ZNF644: variants seen among roughly 807,000 people sequenced by gnomAD.
ZNF644 encodes zinc finger motif enhancer binding protein 2.
A neutral mutation model predicts 108.0 loss-of-function variants in ZNF644; 20 were observed. The observed-to-expected ratio is 0.19, with a 90% confidence interval of 0.13 to 0.27. ZNF644 has a LOEUF of 0.27. ZNF644 is among the 10% of genes least tolerant of loss of function. The probability of loss-of-function intolerance (pLI) is 1.00; values close to 1 mark genes in which losing one functional copy is unlikely to be tolerated. For synonymous variants in ZNF644, 542 were observed against 539.1 expected (o/e 1.01, Z -0.08); for missense variants, 1,338 against 1,548.9 (o/e 0.86, Z 2.29).
At chr1:90,963,440 A>G (rs1212273219) in intron 2 of ZNF644, among the ~76,000 whole-genome samples, 4 of 152,166 alleles carry the variant, frequency 2.6e-5, no homozygotes, top group African/African-American at 9.6e-5. Context: ...AAATTTGAAC[A>G]TACATACACT....
intron 1 of ZNF644, among the ~76,000 whole-genome samples, chr1:90,983,752 C>A (rs1024264631): frequency 4.6e-5 from 7 of 152,170 alleles, no homozygotes; most frequent in Admixed American, 4.6e-4. Context: ...CATGGTGAAA[C>A]CCCGTCTCTA....
intron 2 of ZNF644, among the ~76,000 whole-genome samples, chr1:90,970,925 G>A (rs1318888719): frequency 6.7e-6 from 1 of 148,338 alleles, no homozygotes; most frequent in Non-Finnish European, 1.5e-5. Context: ...ACTTGAACCC[G>A]GGAGGCGGAG....
intron 1 of ZNF644, 72 bp from the exon 2 acceptor site, chr1:90,982,442 A>G: frequency 1.0e-6 from 1 of 971,656 alleles, no homozygotes; most frequent in Non-Finnish European, 1.6e-6. Context: ...GCTACAATAC[A>G]CTATTATTTT....
At chr1:90,975,436 CTTTTTTTTTTT>C (rs1243944087) in intron 2 of ZNF644, among the ~76,000 whole-genome samples, 1 of 135,362 alleles carries the variant, frequency 7.4e-6, no homozygotes, top group Non-Finnish European at 1.6e-5. Flanking sequence ...CAAATATCTA[CTTTTTTTTTTT>C]TTTTTTTTGA....
chr1:90,996,982 C>T (rs980302004), intron 1 of ZNF644, among the ~76,000 whole-genome samples: 24 of 152,136 alleles, frequency 1.6e-4, no homozygotes, highest in African/African-American at 5.8e-4. Flanking sequence ...CCCCAATACC[C>T]TAGGACAACC....
At chr1:90,922,251 G>A (rs937402406) in intron 4 of ZNF644, among the ~76,000 whole-genome samples, 1 of 152,050 alleles carries the variant, frequency 6.6e-6, no homozygotes, top group African/African-American at 2.4e-5. Context: ...TAAAAGTCTT[G>A]TTTAATCCAT....
At chr1:90,968,696 A>C (rs1288038648) in intron 2 of ZNF644, among the ~76,000 whole-genome samples, 1 of 152,184 alleles carries the variant, frequency 6.6e-6, no homozygotes, top group East Asian at 1.9e-4. Flanking sequence ...TTTTTAAATA[A>C]CTTTGTATAA....
rs144864423 is a variant in ZNF644 at position 90,943,226 on chromosome 1, G to C, written c.45-1917C>G. Among the ~76,000 whole-genome samples, 369 of 152,172 alleles carry C rather than the reference G, an allele frequency of 2.4e-3. 3 individuals are homozygous for C. The highest frequency in any genetic ancestry group is 3.8e-3 in the Non-Finnish European group (259 of 68,002). On this transcript the variant is annotated intron_variant, in intron 2 of 5. Transcript: ENST00000337393. ...GGAGGCCGAGGCGGGTGGATTACAA[G>C]ATCAGGAGATTGACACCATCCTGGC...
At chr1:90,952,053 TTC>T (rs368604647) in intron 2 of ZNF644, among the ~76,000 whole-genome samples, 1 of 152,080 alleles carries the variant, frequency 6.6e-6, no homozygotes, top group African/African-American at 2.4e-5. Context: ...CTCTCCATAT[TTC>T]TCTCTCTCAC....
chr1:90,994,394 G>C (rs1657927211), intron 1 of ZNF644, among the ~76,000 whole-genome samples: 1 of 152,196 alleles, frequency 6.6e-6, no homozygotes, highest in Non-Finnish European at 1.5e-5. Context: ...CAGTATCACT[G>C]TAGGGCTCTG....
At chr1:90,990,353 A>G (rs1037346108) in intron 1 of ZNF644, among the ~76,000 whole-genome samples, 9 of 152,230 alleles carry the variant, frequency 5.9e-5, no homozygotes, top group Non-Finnish European at 8.8e-5. Flanking sequence ...GAAAGTACAT[A>G]TAAGAGCCAA....
intron 1 of ZNF644, among the ~76,000 whole-genome samples, chr1:91,014,063 A>C (rs1410581435): frequency 6.6e-6 from 1 of 152,110 alleles, no homozygotes; most frequent in East Asian, 1.9e-4. Context: ...TCTTCTTCTT[A>C]AACTGATAAA....
intron 2 of ZNF644, among the ~76,000 whole-genome samples, chr1:90,977,297 T>C (rs924586216): frequency 6.6e-6 from 1 of 151,894 alleles, no homozygotes; most frequent in Non-Finnish European, 1.5e-5. Context: ...TATAAAGAAA[T>C]TTACCATAAG....
intron 4 of ZNF644, among the ~76,000 whole-genome samples, chr1:90,935,737 T>C (rs180859848): frequency 2.4e-4 from 36 of 152,334 alleles, no homozygotes; most frequent in Middle Eastern, 3.4e-3. Context: ...TTTGGAAAGG[T>C]AGACGAGGAG....
In ZNF644 at chr1:90,938,330, G is replaced by A. The variant is rs766217952; in HGVS notation, c.3024C>T (p.Asp1008=). 1.2e-6 allele frequency: 2 copies of A among 1,613,930 alleles called. No individual in the cohort carries two copies. The highest frequency in any genetic ancestry group is 2.2e-5 in the South Asian group (2 of 91,060). ...CAGTTCTTTTGAAATGCTGCATTTT[G>A]TCACTTGTGGCTATTTGTTCTGGTG... ...VVSPEQIATS[D]KMQHFKRTGT... is the part of the protein sequence containing the mutation. Residue 1008 remains aspartate (D), a synonymous_variant, in exon 3 of 6, where the codon GAC becomes GAT. Coordinates refer to ENST00000337393, the MANE Select transcript of ZNF644 (RefSeq NM_201269.3). This position sits in a 1 kb window ranked among gnomAD's most constrained non-coding sequence, Gnocchi z 4.2.
At chr1:91,001,338 T>C (rs1386181033) in intron 1 of ZNF644, among the ~76,000 whole-genome samples, 3 of 152,180 alleles carry the variant, frequency 2.0e-5, no homozygotes, top group East Asian at 1.9e-4. Context: ...TTATCCACCA[T>C]GATCAAGTGG....
chr1:91,013,451 TCACACA>T (rs10590932), intron 1 of ZNF644, among the ~76,000 whole-genome samples: 50,850 of 140,048 alleles, frequency 0.36, 9,593 homozygotes, highest in Non-Finnish European at 0.46. Context: ...AATCTCTCTC[TCACACA>T]CACACACACA....
chr1:91,013,533 G>C (rs578214971), intron 1 of ZNF644, among the ~76,000 whole-genome samples: 129 of 151,278 alleles, frequency 8.5e-4, no homozygotes, highest in Non-Finnish European at 1.4e-3. Flanking sequence ...CCCTAAACTG[G>C]ATTCAAGCCA....
intron 1 of ZNF644, among the ~76,000 whole-genome samples, chr1:90,994,892 A>T (rs1658003614): frequency 6.6e-6 from 1 of 152,164 alleles, no homozygotes; most frequent in Non-Finnish European, 1.5e-5. Flanking sequence ...AAGAAAACAG[A>T]GATGGCCGTG....
Sources: allele counts gnomAD v4.1 joint callset (sites outside exome capture counted in the v4.1 genomes callset), GRCh38; gene constraint gnomAD v4.1.1; non-coding constraint Gnocchi (gnomAD v3.1); transcripts MANE v1.5; gene names NCBI Gene and HGNC (gene_info 2026-07-23, HGNC 2026-07-21).